The following LRP1B variants were observed in gnomAD, a reference collection of about 807,000 sequenced individuals.
LRP1B encodes low-density lipoprotein receptor-related protein 1B.
In LRP1B, 217 loss-of-function variants were observed where a neutral mutation model predicts 556.6. That is an observed-to-expected ratio of 0.39 (90% CI 0.35 to 0.44). The LOEUF is 0.44. Among genes scored for constraint, LRP1B ranks in the 20% least tolerant of loss-of-function variants. LRP1B has a pLI of 1.00. For missense variants in LRP1B, 5,053 were observed against 5,620.8 expected, an observed-to-expected ratio of 0.90 and a Z score of 3.23; for synonymous variants, 2,047 against 1,865.8, an observed-to-expected ratio of 1.10 and a Z score of -2.50.
intron 1 of LRP1B, among the ~76,000 whole-genome samples, chr2:142,095,266 C>G (rs1482711194): frequency 6.6e-6 from 1 of 151,224 alleles, no homozygotes. Context: ...GTGTATTATA[C>G]TACGGTATAC....
At chr2:140,760,038 G>C (rs1176512359) in intron 35 of LRP1B, among the ~76,000 whole-genome samples, 2 of 152,124 alleles carry the variant, frequency 1.3e-5, no homozygotes, top group Non-Finnish European at 2.9e-5. Flanking sequence ...ATGGTTGGAA[G>C]AAGTTTCTGG....
chr2:140,325,345 G>T (rs1054704862), intron 80 of LRP1B, among the ~76,000 whole-genome samples: 2 of 151,966 alleles, frequency 1.3e-5, no homozygotes, highest in Non-Finnish European at 2.9e-5. Context: ...GTGAATAAGG[G>T]TATATCCTTC....
chr2:140,841,336 G>A lies in LRP1B; in HGVS notation c.4940-244C>T, dbSNP rs76357089. ...AATTAGCATTGAAATTACACTAACC[G>A]TCAATGATTCACTAATAAACACTTA... On this transcript the variant is annotated intron_variant, in intron 29 of 90. Transcript: ENST00000389484. Among the ~76,000 whole-genome samples the A allele has an allele frequency of 3.6e-3, 548 of 152,150 alleles. 4 individuals carry two copies. Among genetic ancestry groups the A allele is most frequent in the African/African-American group, 0.013 (519 of 41,504 alleles).
intron 2 of LRP1B, among the ~76,000 whole-genome samples, chr2:141,806,838 A>G (rs992526400): frequency 3.3e-5 from 5 of 152,038 alleles, no homozygotes; most frequent in African/African-American, 1.2e-4. Context: ...TTCCTGTTAG[A>G]ATTTTGTCAC....
chr2:141,795,429 G>A (rs1487750394), intron 2 of LRP1B, among the ~76,000 whole-genome samples: 1 of 152,196 alleles, frequency 6.6e-6, no homozygotes, highest in Non-Finnish European at 1.5e-5. Context: ...CTTGAGGGAA[G>A]ATGGAAGCAA....
At chr2:140,947,901 T>C (rs1324837549) in intron 20 of LRP1B, among the ~76,000 whole-genome samples, 2 of 152,120 alleles carry the variant, frequency 1.3e-5, no homozygotes, top group Non-Finnish European at 2.9e-5. Flanking sequence ...ATACAAGAGA[T>C]ATATGCCATT....
In LRP1B at chr2:141,903,760, G is replaced by A. The variant is rs147027807; in HGVS notation, c.83-93359C>T. On this transcript the variant is annotated intron_variant, in intron 1 of 90. Coordinates refer to ENST00000389484, the MANE Select transcript of LRP1B (RefSeq NM_018557.3). ...ACAGATTTGGGGTTGGGAGTTAGGA[G>A]CCATAAACACACCAAAAATGTGATA... 2.7e-3 allele frequency among the ~76,000 whole-genome samples: 416 copies of A among 151,976 alleles called. 1 individual carries two copies. Among genetic ancestry groups the A allele is most frequent in the African/African-American group, 9.3e-3 (385 of 41,490 alleles).
chr2:141,189,805 G>T (rs150143168), intron 6 of LRP1B, among the ~76,000 whole-genome samples: 2 of 151,686 alleles, frequency 1.3e-5, no homozygotes, highest in Non-Finnish European at 2.9e-5. Context: ...CTACTGTTGC[G>T]GCTTAGAAAA....
chr2:140,644,345 T>C (rs1684403294), intron 41 of LRP1B, among the ~76,000 whole-genome samples: 1 of 152,120 alleles, frequency 6.6e-6, no homozygotes, highest in Non-Finnish European at 1.5e-5. Flanking sequence ...TTTATGTTAA[T>C]ATTTGATTCT....
Position 141,457,770 on chromosome 2 carries a change from G to A in LRP1B, c.343+22626C>T, listed in dbSNP as rs528104087. On this transcript the variant is annotated intron_variant, in intron 3 of 90. Transcript: ENST00000389484. ...AGGAGGTGGTAACTGCAGTGGAGAG[G>A]AGGGCATAGAAAGATAGTAAAATAA... Among the ~76,000 whole-genome samples the A allele has an allele frequency of 5.9e-5, 9 of 152,272 alleles. No homozygotes were observed. In the East Asian group the frequency reaches 1.5e-3, roughly 26 times the overall value.
intron 2 of LRP1B, among the ~76,000 whole-genome samples, chr2:141,589,009 G>A (rs1171487853): frequency 1.3e-5 from 2 of 152,020 alleles, no homozygotes; most frequent in African/African-American, 2.4e-5. Context: ...ACATTCCCTG[G>A]CTTTATTTTA....
chr2:140,533,187 G>A (rs550584729), intron 47 of LRP1B, among the ~76,000 whole-genome samples: 1 of 151,486 alleles, frequency 6.6e-6, no homozygotes, highest in Admixed American at 6.6e-5. Flanking sequence ...AGCAAACATT[G>A]GTATTCCATT....
chr2:140,434,793 T>A (rs1381687833), intron 66 of LRP1B, among the ~76,000 whole-genome samples: 2 of 152,228 alleles, frequency 1.3e-5, no homozygotes, highest in Non-Finnish European at 2.9e-5. Flanking sequence ...TAACTACGTG[T>A]CTTTTGTTAT....
At chr2:140,820,344 A>G (rs1464871755) in intron 31 of LRP1B, among the ~76,000 whole-genome samples, 3 of 152,118 alleles carry the variant, frequency 2.0e-5, no homozygotes, top group Non-Finnish European at 4.4e-5. Flanking sequence ...TTATCTTAAC[A>G]TGATCTAAAT....
intron 81 of LRP1B, among the ~76,000 whole-genome samples, 198 bp downstream of exon 81, chr2:140,323,695 C>T (rs1680289041): frequency 6.6e-6 from 1 of 151,782 alleles, no homozygotes; most frequent in Non-Finnish European, 1.5e-5. Flanking sequence ...AAATGCTGAA[C>T]ATTTTCCCAA....
chr2:142,072,268 T>C (rs892121543), intron 1 of LRP1B, among the ~76,000 whole-genome samples: 7 of 151,962 alleles, frequency 4.6e-5, no homozygotes, highest in African/African-American at 1.7e-4. Flanking sequence ...ACTAGGTAAG[T>C]TTTTCTTACC....
chr2:141,886,822 C>T (rs2104904738), intron 1 of LRP1B, among the ~76,000 whole-genome samples: 1 of 152,172 alleles, frequency 6.6e-6, no homozygotes, highest in East Asian at 1.9e-4. Flanking sequence ...AATTGTTCAA[C>T]TCGATAGTGC....
chr2:140,705,521 C>CAAAA (rs565447198), intron 37 of LRP1B, among the ~76,000 whole-genome samples: 39 of 68,200 alleles, frequency 5.7e-4, no homozygotes, highest in Non-Finnish European at 6.6e-4. Flanking sequence ...GAGACTGTCT[C>CAAAA]AAAAAAAAAA....
intron 41 of LRP1B, among the ~76,000 whole-genome samples, chr2:140,614,311 C>G (rs1449619189): frequency 2.0e-5 from 3 of 152,048 alleles, no homozygotes; most frequent in Non-Finnish European, 1.5e-5. Context: ...ATATCCTTCT[C>G]TTTAATTCCA....
Sources: allele counts gnomAD v4.1 joint callset (sites outside exome capture counted in the v4.1 genomes callset), GRCh38; gene constraint gnomAD v4.1.1; transcripts MANE v1.5; gene names NCBI Gene and HGNC (gene_info 2026-07-23, HGNC 2026-07-21).